SFT2D1: variants seen among roughly 807,000 people sequenced by gnomAD.
The protein encoded by SFT2D1 is vesicle transport protein SFT2A.
In SFT2D1, 24 loss-of-function variants were observed where a neutral mutation model predicts 28.1. The ratio of observed to expected loss-of-function variants is 0.85; its 90% confidence interval spans 0.62 to 1.20. SFT2D1 has a LOEUF of 1.20. Ranked by LOEUF, SFT2D1 falls within the 50% of genes most tolerant of loss-of-function variation. The pLI, the probability that SFT2D1 is intolerant of heterozygous loss-of-function variation, is 0.00. For missense variants in SFT2D1, 181 were observed against 190.9 expected (o/e 0.95, Z 0.31); for synonymous variants, 82 against 73.7 (o/e 1.11, Z -0.58).
intron 1 of SFT2D1, among the ~76,000 whole-genome samples, 153 bp downstream of exon 1, chr6:166,342,266 C>G (rs1485785499): frequency 6.6e-6 from 1 of 152,182 alleles, no homozygotes; most frequent in East Asian, 1.9e-4. Flanking sequence ...CAAATTCTAC[C>G]CAGGAAGCAG....
At chr6:166,332,975 G>A (rs912118989) in intron 1 of SFT2D1, among the ~76,000 whole-genome samples, 2 of 152,212 alleles carry the variant, frequency 1.3e-5, no homozygotes, top group Admixed American at 6.5e-5. Context: ...TCTAATCCAC[G>A]GATCGCCAGG....
intron 4 of SFT2D1, among the ~76,000 whole-genome samples, chr6:166,326,876 A>ACTAAT (rs1326274585): frequency 1.6e-4 from 24 of 152,364 alleles, no homozygotes; most frequent in African/African-American, 5.5e-4. Context: ...CTTAAATAAA[A>ACTAAT]CTAACTAAAA....
At chr6:166,337,190 A>T (rs1353211799) in intron 1 of SFT2D1, among the ~76,000 whole-genome samples, 1 of 152,120 alleles carries the variant, frequency 6.6e-6, no homozygotes, top group Non-Finnish European at 1.5e-5. Flanking sequence ...TTCCCTTCCT[A>T]GCCCAGTGCC....
At chr6:166,321,226 T>G (rs1358209050) in intron 7 of SFT2D1, among the ~76,000 whole-genome samples, 1 of 152,238 alleles carries the variant, frequency 6.6e-6, no homozygotes, top group Non-Finnish European at 1.5e-5. Flanking sequence ...AAAACTGTTA[T>G]TACTTGATAC....
At position 166,339,903 on chromosome 6, in the gene SFT2D1, C is replaced by T. The variant is rs562243996; in HGVS notation, c.63+2516G>A. Among the ~76,000 whole-genome samples the T allele has an allele frequency of 1.1e-4, 16 of 152,352 alleles. No homozygotes were observed. In the South Asian group the frequency reaches 2.5e-3, roughly 24 times the overall value. ...TCCTCCCACAAACTCTACAGTGTTA[C>T]GTCCAACTGCTTTCCTCACATCTCC... is the stretch of plus-strand genomic sequence containing the variant. On this transcript the variant is annotated intron_variant, in intron 1 of 7. Transcript: ENST00000361731.
intron 1 of SFT2D1, chr6:166,334,939 A>G (rs1778618175): frequency 2.2e-6 from 1 of 448,662 alleles, no homozygotes; most frequent in South Asian, 1.8e-5. Flanking sequence ...AACATCGCCT[A>G]AGAGATCTTG....
At chr6:166,329,435 T>C (rs1324691669) in intron 3 of SFT2D1, 72 bp downstream of exon 3, 1 of 1,293,192 alleles carries the variant, frequency 7.7e-7, no homozygotes, top group Non-Finnish European at 1.1e-6. Context: ...AACATCCTAC[T>C]GGGAAAGTGC....
chr6:166,324,838 T>C lies in SFT2D1; in HGVS notation c.352-243A>G, dbSNP rs1025283971. Reference sequence around the variant, plus strand: ...AAAATATATGACTTTAAATAAACGTTACTGAAACAATTGTGCATAGACTGA... The same window carrying C: ...AAAATATATGACTTTAAATAAACGTCACTGAAACAATTGTGCATAGACTGA... On this transcript the variant is annotated intron_variant, in intron 5 of 7. Transcript: ENST00000361731. 1.4e-5 allele frequency: 7 copies of C among 492,036 alleles called. No homozygotes were observed. The Admixed American group carries it at 2.7e-4, about 19-fold the overall frequency. 30.5% of individuals were successfully genotyped at this position (492,036 alleles called of 1,614,324 possible). A position where few individuals can be genotyped will look rare whatever the true frequency, so the allele number is the denominator to read the frequency against.
intron 4 of SFT2D1, among the ~76,000 whole-genome samples, 167 bp downstream of exon 4, chr6:166,328,109 T>C (rs2114898203): frequency 1.3e-5 from 2 of 152,052 alleles, no homozygotes; most frequent in South Asian, 4.1e-4. Context: ...GATATAATTA[T>C]TATATTCAAC....
rs929180206 is a variant in SFT2D1 at position 166,319,919 on chromosome 6, C to T, written c.*298G>A. On this transcript the variant is annotated 3_prime_UTR_variant, in exon 8 of 8. Coordinates refer to ENST00000361731, the MANE Select transcript of SFT2D1 (RefSeq NM_145169.3). ...GCACAGGTCTACCTTTAAATATTCA[C>T]ATTTCAAAGCTGCTTTGAAAAGATT... The T allele has an allele frequency of 2.3e-5, 6 of 261,720 alleles. No homozygotes were observed. The highest frequency in any genetic ancestry group is 1.3e-4 in the African/African-American group (6 of 44,648). The allele number at this position is 261,720 out of a possible 1,614,324, so 16.2% of individuals were successfully genotyped here.
chr6:166,329,857 G>C (rs762336577), intron 2 of SFT2D1, among the ~76,000 whole-genome samples: 15 of 152,256 alleles, frequency 9.9e-5, no homozygotes, highest in Non-Finnish European at 1.9e-4. Context: ...GTCTATTTAA[G>C]TTAAATTTTC....
intron 1 of SFT2D1, 36 bp downstream of exon 1, chr6:166,342,383 C>T: frequency 1.3e-6 from 2 of 1,530,448 alleles, no homozygotes; most frequent in Non-Finnish European, 1.8e-6. Flanking sequence ...GGCCAGCGGG[C>T]AGCCCCGGGA....
chr6:166,331,347 A>C (rs548895255), intron 1 of SFT2D1: 1 of 152,804 alleles, frequency 6.5e-6, no homozygotes, highest in South Asian at 2.1e-4. Context: ...AAAGTTCTAT[A>C]TGCAACAGTT....
chr6:166,329,456 G>T, intron 3 of SFT2D1, 51 bp downstream of exon 3: 1 of 1,512,350 alleles, frequency 6.6e-7, no homozygotes, highest in Non-Finnish European at 9.1e-7. Context: ...TTATTAGAAA[G>T]GTAAATTTGG....
At chr6:166,320,655 T>G (rs995496038) in intron 7 of SFT2D1, among the ~76,000 whole-genome samples, 12 of 150,874 alleles carry the variant, frequency 8.0e-5, no homozygotes, top group African/African-American at 2.9e-4. Context: ...GAGCTGGGAC[T>G]ATAGGGCACA....
rs145948866 is a variant in SFT2D1, at chr6:166,332,823, C to G, written c.64-2576G>C. On this transcript the variant is annotated intron_variant, in intron 1 of 7. Transcript: ENST00000361731. ...CACTGCTTGCAACTAGAACTTCATT[C>G]ATTAATTTTTTACAAAAGCAGGTGA... Among the ~76,000 whole-genome samples, 439 of 152,326 alleles carry G rather than the reference C, an allele frequency of 2.9e-3. 3 individuals are homozygous for G. The highest frequency in any genetic ancestry group is 9.8e-3 in the African/African-American group (408 of 41,570).
chr6:166,334,593 A>G (rs918918219), intron 1 of SFT2D1: 4 of 178,598 alleles, frequency 2.2e-5, no homozygotes, highest in Non-Finnish European at 4.6e-5. Context: ...AAAGAGCCTA[A>G]ACAGCTGTGG....
intron 5 of SFT2D1, among the ~76,000 whole-genome samples, chr6:166,324,981 C>CAA (rs1359923396): frequency 2.0e-5 from 3 of 152,076 alleles, no homozygotes; most frequent in Non-Finnish European, 2.9e-5. Flanking sequence ...TTATTTTACT[C>CAA]ATTCCCATTT....
chr6:166,342,202 G>GA (rs536180982), intron 1 of SFT2D1, among the ~76,000 whole-genome samples: 1 of 151,878 alleles, frequency 6.6e-6, no homozygotes, highest in Admixed American at 6.6e-5. Context: ...GGGAGAGTCG[G>GA]GGGGGGGCCT....
Sources: gnomAD v4.1 joint callset for allele counts (sites outside exome capture counted in the v4.1 genomes callset) on GRCh38, gnomAD v4.1.1 for gene constraint, MANE v1.5 for transcripts, NCBI Gene and HGNC (gene_info 2026-07-23, HGNC 2026-07-21) for gene names.